The following CPSF1 variants were observed in gnomAD, a reference collection of about 807,000 sequenced individuals.
CPSF1 encodes cleavage and polyadenylation specific factor 1.
CPSF1 carries 106 observed loss-of-function variants against 175.8 expected under a neutral mutation model. That is an observed-to-expected ratio of 0.60 (90% CI 0.52 to 0.71). The LOEUF is 0.71. Among genes scored for constraint, CPSF1 ranks in the 30% least tolerant of loss-of-function variants. CPSF1 has a pLI of 0.00. For synonymous variants in CPSF1, 1,024 were observed against 858.3 expected, an observed-to-expected ratio of 1.19 and a Z score of -3.37; for missense variants, 1,734 against 2,022.9, an observed-to-expected ratio of 0.86 and a Z score of 2.74.
chr8:144,398,899 G>A (rs1820979069), intron 16 of CPSF1, 31 bp from the exon 17 acceptor site: 1 of 1,608,790 alleles, frequency 6.2e-7, no homozygotes, highest in Non-Finnish European at 8.5e-7. Flanking sequence ...GGGTGTGATG[G>A]GGGTGTGAGC....
At position 144,398,567 on chromosome 8, in the gene CPSF1, G is replaced by A. The variant is rs2116852295; in HGVS notation, c.1710C>T (p.Arg570=). 3.7e-6 allele frequency: 6 copies of A among 1,613,952 alleles called. No individual in the cohort carries two copies. In the Admixed American group the frequency reaches 6.7e-5, roughly 18 times the overall value. The part of the protein sequence containing the change: ...STTPEADDDG[R]RHGFLILSRE... ...GGCTCAGAATCAGGAATCCGTGTCT[G>A]CGGCCGTCGTCGTCTGCTTCAGGGG... The change falls in exon 18 of 38, where the codon CGC becomes CGT. Residue 570 remains arginine (R), a synonymous_variant. Coordinates refer to ENST00000616140, the MANE Select transcript of CPSF1 (RefSeq NM_013291.3).
In CPSF1 at chr8:144,401,434, G is replaced by A. The variant is rs145040886; in HGVS notation, c.302C>T (p.Ala101Val). Residue 101 changes from alanine to valine, a missense_variant, in exon 4 of 38, where the codon GCC (alanine) becomes GTC (valine). This residue lies in a region of CPSF1 where 122 missense variants were observed against 177.2 expected (regional missense o/e 0.69). Coordinates refer to ENST00000616140, the MANE Select transcript of CPSF1 (RefSeq NM_013291.3). Reference protein sequence around the residue: ...RDALLLSFKDAKLSVVEYDPG... With the variant: ...RDALLLSFKDVKLSVVEYDPG... ...CCCACCAAGCCTACCACTCACCTTG[G>A]CATCCTTGAAGCTTAGGAGCAGGGC... is the stretch of plus-strand genomic sequence containing the variant. 1 of 1,614,004 alleles carries A rather than the reference G, an allele frequency of 6.2e-7. No homozygotes were observed. Among genetic ancestry groups the A allele is most frequent in the Non-Finnish European group, 8.5e-7 (1 of 1,179,978 alleles).
Position 144,397,558 on chromosome 8 carries a change from G to C in CPSF1, c.2314C>G (p.Arg772Gly). The C allele has an allele frequency of 6.4e-7, 1 of 1,553,044 alleles. No individual in the cohort carries two copies. Among genetic ancestry groups the C allele is most frequent in the Non-Finnish European group, 8.7e-7 (1 of 1,143,822 alleles). Residue 772 changes from arginine (R) to glycine (G), a missense_variant, in exon 22 of 38, where the codon CGG (arginine) becomes GGG (glycine). Arg to Gly is a moderately radical substitution (Grantham distance 125, BLOSUM62 -2). This residue lies in a region of CPSF1 where 585 missense variants were observed against 584.7 expected (regional missense o/e 1.00). Transcript: ENST00000616140. ...TCTGCCCGGAAGGGTGCAGGGTCCC[G>C]GTCAGCAGGGGGCTGGCTGCTTCTT... The part of the protein sequence containing the change: ...ARRSSQPPAD[R>G]DPAPFRAEPT...
intron 6 of CPSF1, 53 bp from the exon 7 acceptor site, chr8:144,400,870 C>A (rs2116879338): frequency 6.2e-7 from 1 of 1,605,696 alleles, no homozygotes; most frequent in East Asian, 2.2e-5. Context: ...GAGGGGAGCT[C>A]GGGCTCTGGC....
Position 144,394,302 on chromosome 8 carries a change from T to C in CPSF1, c.3745-2A>G. 1.9e-6 allele frequency: 3 copies of C among 1,588,762 alleles called. No homozygotes were observed. The highest frequency in any genetic ancestry group is 2.6e-6 in the Non-Finnish European group (3 of 1,165,624). On this transcript the variant is annotated splice_acceptor_variant, in intron 32 of 37. Transcript: ENST00000616140. LOFTEE classifies it high-confidence loss of function. Reference sequence around the variant, plus strand: ...GTACACCTCCAGGGGCTTGGCATCCTGGGGGCGGGAAGGGGGCGTCAGAGG... The same window carrying C: ...GTACACCTCCAGGGGCTTGGCATCCCGGGGGCGGGAAGGGGGCGTCAGAGG...
intron 2 of CPSF1, among the ~76,000 whole-genome samples, chr8:144,402,647 C>T (rs1395205251): frequency 2.6e-5 from 4 of 152,144 alleles, no homozygotes; most frequent in South Asian, 4.1e-4. Context: ...ATCTTGGAAG[C>T]TGGTTAAGAG....
In CPSF1 at chr8:144,401,430, C is replaced by T. The variant is rs1008753876; in HGVS notation, c.306G>A (p.Lys102=). The T allele has an allele frequency of 1.9e-6, 3 of 1,614,082 alleles. No individual in the cohort carries two copies. The Admixed American group carries it at 5.0e-5, about 27-fold the overall frequency. The change falls in exon 4 of 38, where the codon AAG becomes AAA. Residue 102 remains lysine (K), a splice_region_variant and synonymous_variant. Coordinates refer to ENST00000616140, the MANE Select transcript of CPSF1 (RefSeq NM_013291.3). The part of the protein sequence containing the change: ...DALLLSFKDA[K]LSVVEYDPGT... ...CTACCCCACCAAGCCTACCACTCACCTTGGCATCCTTGAAGCTTAGGAGCA... is the reference window on the plus strand; with the variant it reads ...CTACCCCACCAAGCCTACCACTCACTTTGGCATCCTTGAAGCTTAGGAGCA...
chr8:144,395,470 T>C lies in CPSF1; in HGVS notation c.3061A>G (p.Thr1021Ala). The C allele has an allele frequency of 6.2e-7, 1 of 1,609,118 alleles. No individual in the cohort carries two copies. Among genetic ancestry groups the C allele is most frequent in the Middle Eastern group, 1.7e-4 (1 of 6,040 alleles). ...WPVRKIPLRCTAHYVAYHVES... is the reference protein window; with the variant it reads ...WPVRKIPLRCAAHYVAYHVES... ...ACGTGGTAAGCCACATAGTGGGCCGTGCAGCGCAGCGGGATCTTCCTGACA... is the reference window on the plus strand; with the variant it reads ...ACGTGGTAAGCCACATAGTGGGCCGCGCAGCGCAGCGGGATCTTCCTGACA... The change falls in exon 27 of 38, where the codon ACG becomes GCG. Residue 1021 changes from threonine (T) to alanine (A), a missense_variant. By Grantham distance (58) the Thr-to-Ala change is moderately conservative. Around this residue, in one of 10 missense-constraint regions of CPSF1, gnomAD observed 585 missense variants for 584.7 expected, o/e 1.00. Transcript: ENST00000616140.
chr8:144,402,401 G>A (rs2116891108), intron 2 of CPSF1, among the ~76,000 whole-genome samples: 66 of 152,056 alleles, frequency 4.3e-4, no homozygotes, highest in African/African-American at 1.6e-3. Context: ...TCTGCCTCCC[G>A]GGTTCAAGTG....
intron 24 of CPSF1, 42 bp downstream of exon 24, chr8:144,396,798 T>C (rs370803302): frequency 1.2e-5 from 20 of 1,613,482 alleles, no homozygotes; most frequent in Admixed American, 1.7e-5. Context: ...CCACACCTTG[T>C]ACCACACCCA....
chr8:144,404,988 T>C (rs1818061749), intron 2 of CPSF1, among the ~76,000 whole-genome samples: 1 of 150,774 alleles, frequency 6.6e-6, no homozygotes, highest in South Asian at 2.1e-4. Context: ...GAGCTTGCAG[T>C]GAGCCGAGAT....
rs1554862597 is a variant in CPSF1 at position 144,394,144 on chromosome 8, G to T, written c.3828C>A (p.Arg1276=). The T allele has an allele frequency of 3.7e-6, 6 of 1,612,876 alleles. No individual in the cohort carries two copies. The Admixed American group carries it at 1.0e-4, about 27-fold the overall frequency. The change falls in exon 34 of 38, where the codon CGC becomes CGA. Residue 1276 remains arginine, a synonymous_variant. Coordinates refer to ENST00000616140, the MANE Select transcript of CPSF1 (RefSeq NM_013291.3). ...QLGFLVSDRD[R]NLMVYMYLPE... is the part of the protein sequence containing the mutation. Reference sequence around the variant, plus strand: ...GCAGGTACATGTACACCATGAGGTTGCGGTCGCGGTCAGACACTGGGGAGC... The same window carrying T: ...GCAGGTACATGTACACCATGAGGTTTCGGTCGCGGTCAGACACTGGGGAGC...
In CPSF1 at chr8:144,398,076, C is replaced by CGGCGCACTGCACGATGGG. The variant is rs782526918; in HGVS notation, c.1933_1950dup (p.Pro645_Ala650dup). On this transcript the variant is annotated inframe_insertion, in exon 20 of 38. Transcript: ENST00000616140. The stretch of plus-strand genomic sequence containing the variant: ...ATGATGACCACATAGGGGTCGGCCA[C>CGGCGCACTGCACGATGGG]GGCGCACTGCACGATGGGGGCGCCC... 1.2e-6 allele frequency: 2 copies of CGGCGCACTGCACGATGGG among 1,611,768 alleles called. No individual in the cohort carries two copies. The highest frequency in any genetic ancestry group is 1.1e-5 in the South Asian group (1 of 90,922).
chr8:144,401,372 G>A lies in CPSF1; in HGVS notation c.306+58C>T. ...CCCGGCAACCAACGGCTGTACCCAG[G>A]CCCTGGCACCCACTCCCACGCCTTG... On this transcript the variant is annotated intron_variant, in intron 4 of 37. Transcript: ENST00000616140. The A allele has an allele frequency of 1.9e-6, 3 of 1,611,824 alleles. 1 individual carries two copies. The South Asian group carries it at 3.3e-5, about 18-fold the overall frequency.
In CPSF1 at chr8:144,393,445, C is replaced by T. The variant is rs1554862020; in HGVS notation, c.4284+7G>A. The stretch of plus-strand genomic sequence containing the variant: ...CGGGGCGCGCGGGGGGCGGGGCGCG[C>T]ACTCACTATGTCTGGTGTGGTGCCG... On this transcript the variant is annotated splice_region_variant and intron_variant, in intron 37 of 37. Coordinates refer to ENST00000616140, the MANE Select transcript of CPSF1 (RefSeq NM_013291.3). The T allele has an allele frequency of 1.3e-6, 2 of 1,547,560 alleles. No homozygotes were observed. The highest frequency in any genetic ancestry group is 2.4e-5 in the South Asian group (2 of 83,970).
At position 144,394,382 on chromosome 8, in the gene CPSF1, C is replaced by G; in HGVS notation, c.3741G>C (p.Ser1247=). Reference sequence around the variant, plus strand: ...AGCACCGCCGCCACAGGTGTACCCGCGACACCAGGCTCAGCGTCTTGCTTT... The same window carrying G: ...AGCACCGCCGCCACAGGTGTACCCGGGACACCAGGCTCAGCGTCTTGCTTT... The part of the protein sequence containing the change: ...QEESKTLSLV[S]RDAKPLEVYS... Residue 1247 remains serine, a synonymous_variant, in exon 32 of 38, where the codon TCG becomes TCC. Transcript: ENST00000616140. The G allele has an allele frequency of 6.2e-7, 1 of 1,603,274 alleles. No individual in the cohort carries two copies. Among genetic ancestry groups the G allele is most frequent in the African/African-American group, 1.3e-5 (1 of 74,908 alleles).
At position 144,397,890 on chromosome 8, in the gene CPSF1, AG is replaced by A. The variant is rs1564689742; in HGVS notation, c.2074-12del. On this transcript the variant is annotated splice_polypyrimidine_tract_variant and intron_variant, in intron 20 of 37. Coordinates refer to ENST00000616140, the MANE Select transcript of CPSF1 (RefSeq NM_013291.3). ...AATCACCTTGGACTGCTGCGGGGAG[AG>A]GGGTGGGCTCAGCGGCGGGCAAGGG... The A allele has an allele frequency of 1.9e-6, 3 of 1,600,112 alleles. No individual in the cohort carries two copies. The highest frequency in any genetic ancestry group is 3.3e-5 in the Admixed American group (2 of 59,770).
intron 4 of CPSF1, 40 bp from the exon 5 acceptor site, chr8:144,401,331 T>C (rs2116883711): frequency 6.2e-7 from 1 of 1,601,280 alleles, no homozygotes; most frequent in South Asian, 1.1e-5. Context: ...CGACTGCCGG[T>C]CCTGACAGTG....
chr8:144,398,390 A>G lies in CPSF1; in HGVS notation c.1806T>C (p.Thr602=), dbSNP rs1820928488. The G allele has an allele frequency of 6.2e-7, 1 of 1,613,340 alleles. No individual in the cohort carries two copies. Among genetic ancestry groups the G allele is most frequent in the Non-Finnish European group, 8.5e-7 (1 of 1,179,924 alleles). Residue 602 remains threonine (T), a synonymous_variant, in exon 19 of 38, where the codon ACT becomes ACC. Coordinates refer to ENST00000616140, the MANE Select transcript of CPSF1 (RefSeq NM_013291.3). The part of the protein sequence containing the change: ...IMELDTSGFA[T]QGPTVFAGNI... Reference sequence around the variant, plus strand: ...TCCCAGCAAAGACCGTGGGGCCCTGAGTGGCGAAGCCACTGGTGTCCAGCT... The same window carrying G: ...TCCCAGCAAAGACCGTGGGGCCCTGGGTGGCGAAGCCACTGGTGTCCAGCT...
Sources: allele counts gnomAD v4.1 joint callset (sites outside exome capture counted in the v4.1 genomes callset), GRCh38; gene constraint gnomAD v4.1.1; regional missense constraint gnomAD v4.1.1; transcripts MANE v1.5; gene names NCBI Gene and HGNC (gene_info 2026-07-23, HGNC 2026-07-21).